The following ELMO1 variants were observed in gnomAD, a reference collection of about 807,000 sequenced individuals.
The protein encoded by ELMO1 is engulfment and cell motility 1, also known as engulfment and cell motility protein 1.
ELMO1 carries 26 observed loss-of-function variants against 98.9 expected under a neutral mutation model. That is an observed-to-expected ratio of 0.26 (90% CI 0.19 to 0.36). The LOEUF (loss-of-function observed/expected upper bound fraction) is 0.36, where lower values mean the gene tolerates loss of function less well. ELMO1 is among the 10% of genes least tolerant of loss of function. ELMO1 has a pLI of 1.00. For missense variants in ELMO1, 627 were observed against 935.2 expected (o/e 0.67, Z 4.30); for synonymous variants, 346 against 346.0 (o/e 1.00, Z 0.00).
intron 13 of ELMO1, among the ~76,000 whole-genome samples, chr7:37,145,221 CCCACTGGTAGAGAGGA>C (rs1787906630): frequency 6.6e-6 from 1 of 152,204 alleles, no homozygotes; most frequent in South Asian, 2.1e-4. Flanking sequence ...CTCTTTGAGA[CCCACTGGTAGAGAGGA>C]TAGCTCATCT....
At chr7:37,259,051 C>A in intron 6 of ELMO1, 130 bp downstream of exon 6, 1 of 1,108,384 alleles carries the variant, frequency 9.0e-7, no homozygotes, top group Non-Finnish European at 1.2e-6. Flanking sequence ...ATCTTAAAAA[C>A]TATTTTTTTC....
intron 1 of ELMO1, among the ~76,000 whole-genome samples, chr7:37,427,420 G>T (rs1340077671): frequency 2.6e-5 from 4 of 152,154 alleles, no homozygotes; most frequent in Admixed American, 2.0e-4. Flanking sequence ...CCTCAGTCTG[G>T]GTCAGCAGTG....
intron 15 of ELMO1, among the ~76,000 whole-genome samples, chr7:37,091,169 G>A (rs1244799868): frequency 6.6e-6 from 1 of 152,122 alleles, no homozygotes; most frequent in Non-Finnish European, 1.5e-5. Context: ...GTACAATGGG[G>A]CAATATCGAC....
intron 4 of ELMO1, among the ~76,000 whole-genome samples, chr7:37,295,170 T>C (rs946634660): frequency 1.3e-5 from 2 of 152,212 alleles, no homozygotes; most frequent in African/African-American, 2.4e-5. Context: ...ATGAGAATGA[T>C]ATACTTCAAT....
At chr7:37,331,357 G>GTTTTTTTTTTTTTTTTTAT (rs1371395526) in intron 2 of ELMO1, among the ~76,000 whole-genome samples, 1 of 77,202 alleles carries the variant, frequency 1.3e-5, no homozygotes, top group Non-Finnish European at 2.4e-5. Flanking sequence ...TTTTTTTTTG[G>GTTTTTTTTTTTTTTTTTAT]AATTTTAGTA....
chr7:37,031,641 T>C lies in ELMO1; in HGVS notation c.1301-18206A>G, dbSNP rs569385597. On this transcript the variant is annotated intron_variant, in intron 15 of 21. Transcript: ENST00000310758. ...CTTTTCCAATGCTCTGTTTGCTTTT[T>C]TGTCTCCTTGTGGAAATTCTAATAC... Among the ~76,000 whole-genome samples, 147 of 152,312 alleles carry C rather than the reference T, an allele frequency of 9.7e-4. 1 individual carries two copies. Among genetic ancestry groups the C allele is most frequent in the African/African-American group, 3.4e-3 (141 of 41,578 alleles).
chr7:37,295,334 T>G (rs1797977626), intron 4 of ELMO1, among the ~76,000 whole-genome samples: 1 of 152,238 alleles, frequency 6.6e-6, no homozygotes, highest in Non-Finnish European at 1.5e-5. Context: ...GACAGTGGGC[T>G]GTACAAGTGT....
Position 36,925,287 on chromosome 7 carries a change from C to G in ELMO1, c.1438-30270G>C, listed in dbSNP as rs77900641. Among the ~76,000 whole-genome samples, 646 of 152,252 alleles carry G rather than the reference C, an allele frequency of 4.2e-3. 6 individuals are homozygous for G. The highest frequency in any genetic ancestry group is 0.014 in the African/African-American group (593 of 41,558). Reference sequence around the variant, plus strand: ...TTTATACTTCAAGGAACAAACAAAGCGATCATTTTTTCGTGACTCTCTGAG... The same window carrying G: ...TTTATACTTCAAGGAACAAACAAAGGGATCATTTTTTCGTGACTCTCTGAG... On this transcript the variant is annotated intron_variant, in intron 16 of 21. Coordinates refer to ENST00000310758, the MANE Select transcript of ELMO1 (RefSeq NM_014800.11).
chr7:36,947,071 C>T (rs1179106104), intron 16 of ELMO1, among the ~76,000 whole-genome samples: 1 of 152,118 alleles, frequency 6.6e-6, no homozygotes, highest in Non-Finnish European at 1.5e-5. Context: ...AACCCGTCAC[C>T]CAAATAGTGA....
rs183741532 is a variant in ELMO1, at chr7:37,408,786, T to G, written c.-74+39889A>C. ...AGGGAAAGGGGAAGTCGTTTTTCAG[T>G]GGGTATAGATTTCCAGTCACTCACA... On this transcript the variant is annotated intron_variant, in intron 1 of 21. Coordinates refer to ENST00000310758, the MANE Select transcript of ELMO1 (RefSeq NM_014800.11). 3.1e-3 allele frequency among the ~76,000 whole-genome samples: 474 copies of G among 152,218 alleles called. 3 individuals carry two copies. Among genetic ancestry groups the G allele is most frequent in the African/African-American group, 0.011 (451 of 41,532 alleles).
At chr7:37,158,675 GA>G in intron 13 of ELMO1, among the ~76,000 whole-genome samples, 1 of 152,218 alleles carries the variant, frequency 6.6e-6, no homozygotes. Context: ...AGAGGATGTG[GA>G]GAAATAGGAA....
rs28587085 is a variant in ELMO1 at position 36,985,798 on chromosome 7, T to A, written c.1437+27501A>T. The A allele has an allele frequency of 6.4e-3, 3,769 of 590,588 alleles. 139 individuals carry two copies. In the African/African-American group the frequency reaches 0.072, roughly 11 times the overall value. 36.6% of individuals were successfully genotyped at this position (590,588 alleles called of 1,614,324 possible). A position where few individuals can be genotyped will look rare whatever the true frequency, so the allele number is the denominator to read the frequency against. On this transcript the variant is annotated intron_variant, in intron 16 of 21. Transcript: ENST00000310758. ...AGAGTCTCCTACATCATGGGAACCC[T>A]TGAATGCCCGCTCCTCCATGTGCTT... is the stretch of plus-strand genomic sequence containing the variant.
At chr7:36,872,404 G>C (rs939994724) in intron 19 of ELMO1, among the ~76,000 whole-genome samples, 5 of 152,216 alleles carry the variant, frequency 3.3e-5, no homozygotes, top group Non-Finnish European at 7.3e-5. Context: ...GCCAACCTGT[G>C]TATGTTGTAT....
At chr7:36,877,982 C>T (rs1478356649) in intron 19 of ELMO1, 28 bp downstream of exon 19, 1 of 1,566,102 alleles carries the variant, frequency 6.4e-7, no homozygotes, top group African/African-American at 1.4e-5. Context: ...GACCACCACT[C>T]AGGCCTCTGC....
At chr7:36,856,111 T>G (rs1802178528) in intron 21 of ELMO1, among the ~76,000 whole-genome samples, 1 of 152,208 alleles carries the variant, frequency 6.6e-6, no homozygotes, top group African/African-American at 2.4e-5. Context: ...GGTGGGAGTC[T>G]ATGACTTTTA....
intron 15 of ELMO1, among the ~76,000 whole-genome samples, chr7:37,015,118 C>T (rs996719175): frequency 6.6e-6 from 1 of 152,072 alleles, no homozygotes; most frequent in African/African-American, 2.4e-5. Flanking sequence ...AAGGGCACAA[C>T]CCGATTTGAA....
intron 1 of ELMO1, among the ~76,000 whole-genome samples, chr7:37,418,609 C>T (rs1008398236): frequency 2.7e-4 from 41 of 152,206 alleles, no homozygotes; most frequent in Non-Finnish European, 1.0e-4. Flanking sequence ...CAGTGCAACT[C>T]TGTATCTGGT....
chr7:36,969,502 G>T (rs1476296221), intron 16 of ELMO1, among the ~76,000 whole-genome samples: 1 of 152,162 alleles, frequency 6.6e-6, no homozygotes, highest in African/African-American at 2.4e-5. Context: ...GTTTAACTCA[G>T]TATGTTTACA....
At chr7:37,017,756 T>G (rs1178004298) in intron 15 of ELMO1, among the ~76,000 whole-genome samples, 3 of 151,982 alleles carry the variant, frequency 2.0e-5, no homozygotes, top group Non-Finnish European at 4.4e-5. Flanking sequence ...TGTAATTCTT[T>G]GTACACAATT....
Sources: allele counts gnomAD v4.1 joint callset (sites outside exome capture counted in the v4.1 genomes callset), GRCh38; gene constraint gnomAD v4.1.1; transcripts MANE v1.5; gene names NCBI Gene and HGNC (gene_info 2026-07-23, HGNC 2026-07-21).